Variants in PLEKHA7 observed in about 807,000 individuals in gnomAD.
The protein encoded by PLEKHA7 is pleckstrin homology domain containing A7, also known as pleckstrin homology domain-containing family A member 7.
Under a neutral mutation model 170.0 loss-of-function variants are expected in PLEKHA7, and 104 were observed. The observed-to-expected ratio is 0.61, with a 90% CI of 0.52 to 0.72. The LOEUF (loss-of-function observed/expected upper bound fraction) is 0.72, where lower values mean the gene tolerates loss of function less well. Among genes scored for constraint, PLEKHA7 ranks in the 30% least tolerant of loss-of-function variants. PLEKHA7 has a pLI of 0.00. For missense variants in PLEKHA7, 1,615 were observed against 1,671.7 expected, an observed-to-expected ratio of 0.97 and a Z score of 0.59; for synonymous variants, 648 against 660.8, an observed-to-expected ratio of 0.98 and a Z score of 0.30.
intron 26 of PLEKHA7, chr11:16,780,890 C>T (rs552017014): frequency 7.8e-5 from 53 of 680,992 alleles, no homozygotes; most frequent in Middle Eastern, 7.5e-4. Context: ...AGGGGCTCAG[C>T]GCTAGGGAGG....
chr11:17,005,633 C>T (rs1047657132), intron 3 of PLEKHA7, among the ~76,000 whole-genome samples: 4 of 152,162 alleles, frequency 2.6e-5, no homozygotes, highest in Admixed American at 2.6e-4. Context: ...TCTTCCCAAC[C>T]CAGCATCTGT....
intron 3 of PLEKHA7, among the ~76,000 whole-genome samples, chr11:16,873,457 T>C (rs1003227798): frequency 6.6e-5 from 10 of 152,016 alleles, no homozygotes; most frequent in Non-Finnish European, 2.9e-5. Flanking sequence ...TTCCCAACCA[T>C]AGCCAGCCTC....
At chr11:16,998,107 T>A (rs1864450258) in intron 3 of PLEKHA7, among the ~76,000 whole-genome samples, 1 of 152,214 alleles carries the variant, frequency 6.6e-6, no homozygotes, top group African/African-American at 2.4e-5. Flanking sequence ...AAGGTTGGCA[T>A]GAGGATTAAA....
At chr11:16,821,269 G>A (rs1850196249) in intron 10 of PLEKHA7, among the ~76,000 whole-genome samples, 1 of 152,116 alleles carries the variant, frequency 6.6e-6, no homozygotes, top group African/African-American at 2.4e-5. Context: ...GTTCCTTATT[G>A]TAGTGTTTGA....
At chr11:16,853,760 G>A (rs1351257184) in intron 6 of PLEKHA7, among the ~76,000 whole-genome samples, 1 of 152,168 alleles carries the variant, frequency 6.6e-6, no homozygotes, top group Non-Finnish European at 1.5e-5. Flanking sequence ...GGGCTGTGAG[G>A]GGCAAGTGGG....
intron 9 of PLEKHA7, among the ~76,000 whole-genome samples, chr11:16,827,729 G>C (rs942203716): frequency 1.3e-5 from 2 of 151,766 alleles, no homozygotes; most frequent in Non-Finnish European, 2.9e-5. Context: ...TTTAGATTAG[G>C]GAGGCAAGAG....
At chr11:16,854,826 G>A (rs1479749037) in intron 6 of PLEKHA7, 63 bp downstream of exon 6, 1 of 1,446,494 alleles carries the variant, frequency 6.9e-7, no homozygotes, top group African/African-American at 1.4e-5. Flanking sequence ...CCTGGTGCCT[G>A]GGAAAGGAGA....
At chr11:16,929,756 G>C (rs914487890) in intron 3 of PLEKHA7, among the ~76,000 whole-genome samples, 2 of 152,230 alleles carry the variant, frequency 1.3e-5, no homozygotes, top group Admixed American at 1.3e-4. Flanking sequence ...TGTAATCCCA[G>C]CACTTTGGGA....
At chr11:16,810,313 G>A (rs577661297) in intron 13 of PLEKHA7, among the ~76,000 whole-genome samples, 2 of 152,138 alleles carry the variant, frequency 1.3e-5, no homozygotes, top group Non-Finnish European at 2.9e-5. Context: ...TCTCATCTTG[G>A]AACCCTAAAC....
At chr11:17,012,580 C>T (rs1371026941) in intron 3 of PLEKHA7, among the ~76,000 whole-genome samples, 2 of 152,204 alleles carry the variant, frequency 1.3e-5, no homozygotes, top group African/African-American at 2.4e-5. Flanking sequence ...GTAGTAACCA[C>T]GATCTGATAT....
At chr11:16,863,146 C>T (rs1854106883) in intron 4 of PLEKHA7, among the ~76,000 whole-genome samples, 3 of 152,094 alleles carry the variant, frequency 2.0e-5, no homozygotes, top group Non-Finnish European at 4.4e-5. Flanking sequence ...CGCCCCCGAA[C>T]CCATAATCAG....
At chr11:16,798,470 G>C (rs1314816735) in intron 17 of PLEKHA7, among the ~76,000 whole-genome samples, 2 of 143,678 alleles carry the variant, frequency 1.4e-5, no homozygotes, top group Non-Finnish European at 1.5e-5. Flanking sequence ...AGGGAAGGGG[G>C]AAAAAAAAAA....
At chr11:16,910,685 G>C (rs560883094) in intron 3 of PLEKHA7, among the ~76,000 whole-genome samples, 33 of 152,266 alleles carry the variant, frequency 2.2e-4, no homozygotes, top group South Asian at 6.2e-4. Flanking sequence ...TGGCATCCAG[G>C]GGGTAAAATC....
intron 3 of PLEKHA7, among the ~76,000 whole-genome samples, chr11:16,908,695 C>T (rs1254324535): frequency 6.6e-6 from 1 of 152,118 alleles, no homozygotes; most frequent in African/African-American, 2.4e-5. Context: ...GGTGTTTCAC[C>T]ACGTTGGCCA....
At chr11:16,902,992 C>T (rs995240901) in intron 3 of PLEKHA7, among the ~76,000 whole-genome samples, 1 of 152,150 alleles carries the variant, frequency 6.6e-6, no homozygotes, top group Non-Finnish European at 1.5e-5. Context: ...GAGCAAAGGG[C>T]AAGGGGAGCT....
At chr11:16,909,344 C>A (rs934624869) in intron 3 of PLEKHA7, among the ~76,000 whole-genome samples, 1 of 152,210 alleles carries the variant, frequency 6.6e-6, no homozygotes, top group Admixed American at 6.5e-5. Context: ...CATTGCCTTT[C>A]CCCTCAAGAT....
chr11:16,936,195 T>C (rs1359610647), intron 3 of PLEKHA7, among the ~76,000 whole-genome samples: 1 of 149,336 alleles, frequency 6.7e-6, no homozygotes, highest in Non-Finnish European at 1.5e-5. Flanking sequence ...GGGTCAGGAG[T>C]TCAAGACCAG....
intron 9 of PLEKHA7, among the ~76,000 whole-genome samples, chr11:16,833,946 G>A (rs963124777): frequency 1.3e-5 from 2 of 152,082 alleles, no homozygotes; most frequent in Non-Finnish European, 2.9e-5. Flanking sequence ...CACTTTGGGA[G>A]GCCAAGGTGG....
chr11:16,940,138 G>A (rs1860580042), intron 3 of PLEKHA7, among the ~76,000 whole-genome samples: 1 of 152,194 alleles, frequency 6.6e-6, no homozygotes, highest in Admixed American at 6.5e-5. Context: ...GTAACTTCCA[G>A]GGGAAGAAGT....
Sources: allele counts gnomAD v4.1 joint callset (sites outside exome capture counted in the v4.1 genomes callset), GRCh38; gene constraint gnomAD v4.1.1; transcripts MANE v1.5; gene names NCBI Gene and HGNC (gene_info 2026-07-23, HGNC 2026-07-21).